Variants in TAFA2 observed in about 807,000 individuals in gnomAD.
The protein encoded by TAFA2 is chemokine-like protein TAFA-2.
TAFA2 carries 7 observed loss-of-function variants against 18.8 expected under a neutral mutation model. That is an observed-to-expected ratio of 0.37 (90% confidence interval 0.21 to 0.70). The LOEUF is 0.70. Among genes scored for constraint, TAFA2 ranks in the 30% least tolerant of loss-of-function variants. The pLI is 0.53. For synonymous variants in TAFA2, 60 were observed against 54.2 expected, an observed-to-expected ratio of 1.11 and a Z score of -0.47; for missense variants, 122 against 158.1, an observed-to-expected ratio of 0.77 and a Z score of 1.23.
chr12:61,971,221 T>C (rs1879235590), intron 1 of TAFA2, among the ~76,000 whole-genome samples: 1 of 151,610 alleles, frequency 6.6e-6, no homozygotes, highest in Non-Finnish European at 1.5e-5. Context: ...ATCTGGGTCT[T>C]GAAGGATAAA....
chr12:62,189,087 T>A (rs2062604861), intron 1 of TAFA2, among the ~76,000 whole-genome samples: 1 of 152,178 alleles, frequency 6.6e-6, no homozygotes, highest in Non-Finnish European at 1.5e-5. Flanking sequence ...AATTCTGGGT[T>A]CATCTTTAAG....
intron 1 of TAFA2, among the ~76,000 whole-genome samples, chr12:62,164,082 C>T (rs2062423525): frequency 6.6e-6 from 1 of 152,060 alleles, no homozygotes; most frequent in Non-Finnish European, 1.5e-5. Context: ...GAGAGTGGAA[C>T]AAGAAATCTT....
chr12:62,111,170 G>T (rs914210491), intron 1 of TAFA2, among the ~76,000 whole-genome samples: 9 of 152,228 alleles, frequency 5.9e-5, no homozygotes, highest in African/African-American at 2.2e-4. Flanking sequence ...GTGTCCCAGA[G>T]ATTCTGGTAC....
upstream of TAFA2, chr12:62,192,978 T>C (rs2062633696): frequency 6.6e-6 from 1 of 152,202 alleles, no homozygotes; most frequent in African/African-American, 2.4e-5. Context: ...AATTACAACT[T>C]CTCAAGGATT....
At chr12:62,182,203 G>A (rs2062557227) in intron 1 of TAFA2, among the ~76,000 whole-genome samples, 1 of 152,182 alleles carries the variant, frequency 6.6e-6, no homozygotes, top group South Asian at 2.1e-4. Context: ...ACTGTAGGAT[G>A]TAAACCAAAC....
chr12:61,767,297 A>C (rs1869830988), intron 2 of TAFA2, among the ~76,000 whole-genome samples: 1 of 152,102 alleles, frequency 6.6e-6, no homozygotes, highest in South Asian at 2.1e-4. Context: ...AATTAGAAGA[A>C]TCTCTAGATT....
At chr12:62,202,153 A>T (rs2062673526) in intron 1 of TAFA2, among the ~76,000 whole-genome samples, 1 of 151,692 alleles carries the variant, frequency 6.6e-6, no homozygotes, top group South Asian at 2.1e-4. Flanking sequence ...AGTTTAGCTA[A>T]CAGTCTATTT....
At chr12:62,218,658 C>G (rs886937099) in intron 1 of TAFA2, among the ~76,000 whole-genome samples, 2 of 152,136 alleles carry the variant, frequency 1.3e-5, no homozygotes, top group Non-Finnish European at 2.9e-5. Flanking sequence ...TCTTTACGAT[C>G]TTTATAGCTT....
At chr12:61,744,012 G>C (rs928892690) in intron 4 of TAFA2, among the ~76,000 whole-genome samples, 3 of 151,970 alleles carry the variant, frequency 2.0e-5, no homozygotes, top group Non-Finnish European at 4.4e-5. Flanking sequence ...AGCCATTTTA[G>C]TAACCAAAAC....
intron 4 of TAFA2, among the ~76,000 whole-genome samples, chr12:61,716,953 C>T (rs76790374): frequency 0.014 from 2,074 of 152,206 alleles, 41 homozygotes; most frequent in African/African-American, 0.047. Context: ...TTAACTTATT[C>T]GATAAAGGTA....
At chr12:62,080,710 T>C (rs1868305102) in intron 1 of TAFA2, among the ~76,000 whole-genome samples, 2 of 152,198 alleles carry the variant, frequency 1.3e-5, no homozygotes, top group African/African-American at 4.8e-5. Flanking sequence ...GATTGCCACT[T>C]TGTATGAAAT....
intron 1 of TAFA2, among the ~76,000 whole-genome samples, chr12:61,907,863 T>G (rs1406738599): frequency 6.6e-6 from 1 of 152,356 alleles, no homozygotes; most frequent in African/African-American, 2.4e-5. Flanking sequence ...GAGATCATTT[T>G]GGAACTTTAA....
chr12:62,012,934 A>C (rs1044785092), intron 1 of TAFA2, among the ~76,000 whole-genome samples: 2 of 152,216 alleles, frequency 1.3e-5, no homozygotes, highest in Non-Finnish European at 2.9e-5. Flanking sequence ...AAATTTGCCC[A>C]GTTCAGAGCC....
intron 2 of TAFA2, among the ~76,000 whole-genome samples, chr12:61,829,618 T>C (rs551079148): frequency 6.6e-6 from 1 of 151,846 alleles, no homozygotes; most frequent in South Asian, 2.1e-4. Context: ...TATGACAGCA[T>C]ATGAATTTAA....
chr12:62,117,687 T>C (rs922690623), intron 1 of TAFA2, among the ~76,000 whole-genome samples: 1 of 152,142 alleles, frequency 6.6e-6, no homozygotes, highest in African/African-American at 2.4e-5. Flanking sequence ...TGTTTCCTTT[T>C]TTATGTGATA....
At chr12:62,059,302 AG>A (rs1255986785) in intron 1 of TAFA2, among the ~76,000 whole-genome samples, 1 of 151,890 alleles carries the variant, frequency 6.6e-6, no homozygotes, top group Non-Finnish European at 1.5e-5. Context: ...GGGCGACAGA[AG>A]GATACCCAGT....
intron 1 of TAFA2, among the ~76,000 whole-genome samples, chr12:62,120,635 T>G (rs942213731): frequency 1.3e-5 from 2 of 152,070 alleles, no homozygotes; most frequent in African/African-American, 4.8e-5. Flanking sequence ...TTACTTGGCT[T>G]TAGGTTTCCA....
At chr12:62,053,490 T>G (rs1882109514) in intron 1 of TAFA2, among the ~76,000 whole-genome samples, 1 of 152,192 alleles carries the variant, frequency 6.6e-6, no homozygotes, top group South Asian at 2.1e-4. Flanking sequence ...AACTTTGAAA[T>G]AACACCAACC....
At chr12:61,929,653 G>A (rs1376337661) in intron 1 of TAFA2, among the ~76,000 whole-genome samples, 8 of 151,376 alleles carry the variant, frequency 5.3e-5, no homozygotes, top group Non-Finnish European at 1.0e-4. Flanking sequence ...TCCCATTACC[G>A]GGTATATACC....
Sources: gnomAD v4.1 joint callset for allele counts (sites outside exome capture counted in the v4.1 genomes callset) on GRCh38, gnomAD v4.1.1 for gene constraint, MANE v1.5 for transcripts, NCBI Gene and HGNC (gene_info 2026-07-23, HGNC 2026-07-21) for gene names.